The following SLC2A14 variants were observed in gnomAD, a reference collection of about 807,000 sequenced individuals.
The protein encoded by SLC2A14 is solute carrier family 2, facilitated glucose transporter member 14.
A neutral mutation model predicts 43.0 loss-of-function variants in SLC2A14; 13 were observed. The observed-to-expected ratio is 0.30, with a 90% CI of 0.20 to 0.48. The LOEUF (loss-of-function observed/expected upper bound fraction) is 0.48. SLC2A14 is among the 20% of genes least tolerant of loss of function. The pLI is 0.99. For synonymous variants in SLC2A14, 190 were observed against 233.8 expected, an observed-to-expected ratio of 0.81 and a Z score of 1.71; for missense variants, 428 against 620.4, an observed-to-expected ratio of 0.69 and a Z score of 3.29.
chr12:7,871,716 C>G (rs752409740), intron 1 of SLC2A14, among the ~76,000 whole-genome samples: 1 of 151,990 alleles, frequency 6.6e-6, no homozygotes, highest in Non-Finnish European at 1.5e-5. Context: ...AGGAAGGGAA[C>G]CTGTGTGCCC....
intron 10 of SLC2A14, among the ~76,000 whole-genome samples, chr12:7,816,810 C>T (rs990653714): frequency 1.4e-4 from 21 of 151,762 alleles, no homozygotes; most frequent in Non-Finnish European, 2.4e-4. Context: ...TGGTTTCAAG[C>T]GATTCTCCTG....
At chr12:7,863,371 C>T (rs1249733317) in intron 2 of SLC2A14, 8 of 453,346 alleles carry the variant, frequency 1.8e-5, no homozygotes, top group African/African-American at 6.0e-5. Flanking sequence ...ACACTCACTG[C>T]GAGGGTGTGC....
chr12:7,836,434 C>T (rs1865468847), intron 2 of SLC2A14, among the ~76,000 whole-genome samples: 1 of 152,108 alleles, frequency 6.6e-6, no homozygotes, highest in Non-Finnish European at 1.5e-5. Context: ...GTTAGCCAGG[C>T]TGGTCTCGAA....
rs1565509726 is a variant in SLC2A14 at position 7,827,103 on chromosome 12, T to TTC, written c.864+390_864+391dup. Among the ~76,000 whole-genome samples the TTC allele has an allele frequency of 5.2e-5, 6 of 115,418 alleles. No homozygotes were observed. The East Asian group carries it at 1.1e-3, about 22-fold the overall frequency. The allele number at this position is 115,418 out of a possible 152,430, so 75.7% of individuals were successfully genotyped here. A position where few individuals can be genotyped will look rare whatever the true frequency, so the allele number is the denominator to read the frequency against. On this transcript the variant is annotated intron_variant, in intron 7 of 10. Coordinates refer to ENST00000431042, the MANE Select transcript of SLC2A14 (RefSeq NM_001286234.2). ...TCTTTCTTTCTTTCTTTCTCTTTCT[T>TTC]TCTTTCTTTCTTTTTATTTCTTTCT...
Position 7,882,539 on chromosome 12 carries a change from T to C in SLC2A14, c.132+8457A>G, listed in dbSNP as rs1028490450. Among the ~76,000 whole-genome samples the C allele has an allele frequency of 4.0e-5, 6 of 151,868 alleles. No individual in the cohort carries two copies. The South Asian group carries it at 6.2e-4, about 16-fold the overall frequency. ...ACCTCTCAAAGAAAAATAAAAGATATTTATTTGAGGCTAGCGTCGGCAGTG... is the reference window on the plus strand; with the variant it reads ...ACCTCTCAAAGAAAAATAAAAGATACTTATTTGAGGCTAGCGTCGGCAGTG... On this transcript the variant is annotated intron_variant, in intron 1 of 9. Transcript: ENST00000539924.
chr12:7,822,668 CAAAAAA>C lies in SLC2A14; in HGVS notation c.865-1349_865-1344del, dbSNP rs56052601. ...TGGGCAACAGAGCGAGACTCCATCT[CAAAAAA>C]AAAAAAAAAAGAAAGTGTAATTCCT... is the stretch of plus-strand genomic sequence containing the variant. On this transcript the variant is annotated intron_variant, in intron 7 of 10. Coordinates refer to ENST00000431042, the MANE Select transcript of SLC2A14 (RefSeq NM_001286234.2). Among the ~76,000 whole-genome samples, 6 of 119,234 alleles carry C rather than the reference CAAAAAA, an allele frequency of 5.0e-5. No homozygotes were observed. In the Admixed American group the frequency reaches 5.1e-4, roughly 10 times the overall value. 78.2% of individuals were successfully genotyped at this position (119,234 alleles called of 152,430 possible).
At chr12:7,872,937 C>A, upstream of SLC2A14, 1 of 985,468 alleles carries the variant, frequency 1.0e-6, no homozygotes, top group Non-Finnish European at 1.2e-6. Flanking sequence ...GCCTAGGATT[C>A]GACTTTGAAT....
At chr12:7,879,547 G>A (rs1274816421) in intron 1 of SLC2A14, among the ~76,000 whole-genome samples, 2 of 152,172 alleles carry the variant, frequency 1.3e-5, no homozygotes, top group South Asian at 2.1e-4. Context: ...AGCCAGGCAT[G>A]CTGACAGGTG....
chr12:7,849,509 A>G (rs1361889606), intron 2 of SLC2A14, among the ~76,000 whole-genome samples: 2 of 152,064 alleles, frequency 1.3e-5, no homozygotes, highest in African/African-American at 4.8e-5. Context: ...TACACACATA[A>G]GTAAATCAAG....
intron 2 of SLC2A14, among the ~76,000 whole-genome samples, chr12:7,857,434 C>T (rs768812379): frequency 3.3e-5 from 5 of 151,438 alleles, no homozygotes; most frequent in Admixed American, 6.6e-5. Flanking sequence ...ATTAAAAATA[C>T]AAAATTACCC....
At chr12:7,842,509 C>T (rs1283453544) in intron 2 of SLC2A14, among the ~76,000 whole-genome samples, 1 of 152,204 alleles carries the variant, frequency 6.6e-6, no homozygotes, top group Admixed American at 6.5e-5. Flanking sequence ...ATATAAGCAA[C>T]ACAGATAATT....
chr12:7,830,119 G>T, intron 4 of SLC2A14, 113 bp from the exon 5 acceptor site: 3 of 1,368,592 alleles, frequency 2.2e-6, no homozygotes, highest in East Asian at 2.4e-5. Flanking sequence ...CTCCTTTTTT[G>T]GTCTAACTTT....
At chr12:7,833,671 C>T (rs1865212985) in intron 2 of SLC2A14, among the ~76,000 whole-genome samples, 2 of 151,850 alleles carry the variant, frequency 1.3e-5, no homozygotes, top group Non-Finnish European at 2.9e-5. Context: ...ATCCCAGCTA[C>T]TAGGAGGGGC....
At chr12:7,832,075 T>C (rs1233964432) in intron 3 of SLC2A14, among the ~76,000 whole-genome samples, 2 of 152,194 alleles carry the variant, frequency 1.3e-5, no homozygotes. Flanking sequence ...GCCATTGCAC[T>C]CCGGCCTGGG....
chr12:7,885,966 T>A, intron 1 of SLC2A14, among the ~76,000 whole-genome samples: 1 of 151,914 alleles, frequency 6.6e-6, no homozygotes, highest in Admixed American at 6.6e-5. Flanking sequence ...CTATGTAAGT[T>A]TGAAATTTTT....
intron 6 of SLC2A14, 66 bp downstream of exon 6, chr12:7,828,638 G>GT: frequency 6.5e-7 from 1 of 1,527,722 alleles, no homozygotes; most frequent in Non-Finnish European, 9.0e-7. Flanking sequence ...AATAGATCCA[G>GT]TACCCTCACC....
intron 7 of SLC2A14, among the ~76,000 whole-genome samples, chr12:7,826,248 G>T (rs1462265411): frequency 6.7e-6 from 1 of 149,732 alleles, no homozygotes; most frequent in Non-Finnish European, 1.5e-5. Flanking sequence ...TTAAGACAGG[G>T]TCATGCTATA....
In SLC2A14 at chr12:7,831,779, G is replaced by A; in HGVS notation, c.112-15C>T. 1 of 1,614,046 alleles carries A rather than the reference G, an allele frequency of 6.2e-7. No individual in the cohort carries two copies. Among genetic ancestry groups the A allele is most frequent in the Middle Eastern group, 1.6e-4 (1 of 6,062 alleles). ...TCCTTTATGATCTGCAAAATAAAAG[G>A]TGGGAGGACAGACTATTACAGTTGG... On this transcript the variant is annotated splice_polypyrimidine_tract_variant and intron_variant, in intron 3 of 10. Coordinates refer to ENST00000431042, the MANE Select transcript of SLC2A14 (RefSeq NM_001286234.2).
chr12:7,826,971 CTCT>C (rs1173841842), intron 7 of SLC2A14, among the ~76,000 whole-genome samples: 604 of 36,774 alleles, frequency 0.016, 49 homozygotes, highest in Middle Eastern at 0.048. Context: ...CTCTTTCTCT[CTCT>C]CTTTCTCTCC....
Sources: gnomAD v4.1 joint callset for allele counts (sites outside exome capture counted in the v4.1 genomes callset) on GRCh38, gnomAD v4.1.1 for gene constraint, MANE v1.5 for transcripts, NCBI Gene and HGNC (gene_info 2026-07-23, HGNC 2026-07-21) for gene names.